FAM151B: variants seen among roughly 807,000 people sequenced by gnomAD.
The protein encoded by FAM151B is family with sequence similarity 151 member B.
FAM151B carries 24 observed loss-of-function variants against 31.2 expected under a neutral mutation model. The ratio of observed to expected loss-of-function variants is 0.77; its 90% CI spans 0.56 to 1.08. FAM151B has a LOEUF of 1.08. FAM151B is among the 50% of genes least tolerant of loss of function. The pLI is 0.00. For synonymous variants in FAM151B, 105 were observed against 111.4 expected (o/e 0.94, Z 0.36); for missense variants, 293 against 328.6 (o/e 0.89, Z 0.84).
intron 5 of FAM151B, 122 bp from the exon 6 acceptor site, chr5:80,541,551 A>T (rs1195664230): frequency 2.3e-5 from 20 of 860,634 alleles, no homozygotes; most frequent in African/African-American, 5.1e-5. Flanking sequence ...ACCATTGCTG[A>T]TTAATTTTTT....
chr5:80,491,824 G>T (rs1743344472), intron 1 of FAM151B, among the ~76,000 whole-genome samples: 1 of 152,126 alleles, frequency 6.6e-6, no homozygotes, highest in Non-Finnish European at 1.5e-5. Context: ...AGGCTGAATA[G>T]TACCCCATTG....
Position 80,541,871 on chromosome 5 carries a change from T to C in FAM151B, c.*39T>C. On this transcript the variant is annotated 3_prime_UTR_variant, in exon 6 of 6. Transcript: ENST00000282226. The stretch of plus-strand genomic sequence containing the variant: ...AATTATTTCCTGTGTTTTGGTTTCA[T>C]AATCCTTCTCTCCATTGGTCTGAAT... 1.9e-6 allele frequency: 3 copies of C among 1,581,654 alleles called. No homozygotes were observed. Among genetic ancestry groups the C allele is most frequent in the Non-Finnish European group, 2.6e-6 (3 of 1,161,326 alleles).
At chr5:80,500,324 G>C (rs2112604433) in intron 1 of FAM151B, 2 of 836,122 alleles carry the variant, frequency 2.4e-6, no homozygotes, top group Non-Finnish European at 4.1e-6. Context: ...TCTTTTTCCG[G>C]CTGGAACCAT....
chr5:80,504,350 C>T (rs142928235), intron 2 of FAM151B, among the ~76,000 whole-genome samples: 1 of 152,026 alleles, frequency 6.6e-6, no homozygotes, highest in African/African-American at 2.4e-5. Flanking sequence ...TCCTAGAAGC[C>T]ACCAGGATTT....
At chr5:80,530,719 G>A (rs941069289) in intron 5 of FAM151B, among the ~76,000 whole-genome samples, 1 of 152,112 alleles carries the variant, frequency 6.6e-6, no homozygotes, top group African/African-American at 2.4e-5. Flanking sequence ...ACAAACCACT[G>A]CTCAACGAAA....
chr5:80,538,401 TTTCTTTCTTTCTTTC>T (rs1745629549), intron 5 of FAM151B, among the ~76,000 whole-genome samples: 1 of 48,680 alleles, frequency 2.1e-5, no homozygotes, highest in Non-Finnish European at 3.7e-5. Context: ...TCTTTCTTTC[TTTCTTTCTTTCTTTC>T]TTTCTTTCTT....
rs1479408323 is a variant in FAM151B at position 80,495,977 on chromosome 5, A to G, written c.26-5815A>G. ...CTTCTTATGTATGAGCAAAGACAGTATTTTCTTGAGATGTAATCTACTTCT... is the reference window on the plus strand; with the variant it reads ...CTTCTTATGTATGAGCAAAGACAGTGTTTTCTTGAGATGTAATCTACTTCT... On this transcript the variant is annotated intron_variant, in intron 1 of 5. Coordinates refer to ENST00000282226, the MANE Select transcript of FAM151B (RefSeq NM_205548.3). Among the ~76,000 whole-genome samples, 4 of 152,212 alleles carry G rather than the reference A, an allele frequency of 2.6e-5. No homozygotes were observed. The East Asian group carries it at 7.7e-4, about 29-fold the overall frequency.
intron 2 of FAM151B, among the ~76,000 whole-genome samples, chr5:80,508,483 A>T (rs1234301495): frequency 6.6e-6 from 1 of 151,804 alleles, no homozygotes; most frequent in African/African-American, 2.4e-5. Context: ...GTGTATATGA[A>T]TTGGTATCTC....
At chr5:80,502,102 A>C (rs536219059) in intron 2 of FAM151B, among the ~76,000 whole-genome samples, 185 bp downstream of exon 2, 2 of 151,908 alleles carry the variant, frequency 1.3e-5, no homozygotes, top group African/African-American at 4.8e-5. Context: ...TTAGAGACAT[A>C]GTCTCTCTCT....
intron 5 of FAM151B, among the ~76,000 whole-genome samples, chr5:80,524,491 C>T (rs1234923919): frequency 6.6e-6 from 1 of 152,078 alleles, no homozygotes; most frequent in African/African-American, 2.4e-5. Context: ...CCTACTTACT[C>T]TCATTTTACT....
chr5:80,511,178 AAG>A (rs1483585858), intron 2 of FAM151B: 2 of 152,146 alleles, frequency 1.3e-5, no homozygotes, highest in African/African-American at 4.8e-5. Flanking sequence ...CATGCCCTAA[AAG>A]AAAAAATGTG....
chr5:80,491,087 G>A (rs1743315710), intron 1 of FAM151B, among the ~76,000 whole-genome samples: 1 of 152,046 alleles, frequency 6.6e-6, no homozygotes, highest in Non-Finnish European at 1.5e-5. Context: ...TGTATACATG[G>A]TAGAATGATT....
intron 5 of FAM151B, among the ~76,000 whole-genome samples, chr5:80,533,831 CT>C (rs1453948994): frequency 6.6e-6 from 1 of 150,834 alleles, no homozygotes; most frequent in East Asian, 1.9e-4. Context: ...AAAAAGTTGG[CT>C]TTTTGAAAAG....
At chr5:80,528,195 C>T (rs999604368) in intron 5 of FAM151B, among the ~76,000 whole-genome samples, 6 of 151,662 alleles carry the variant, frequency 4.0e-5, no homozygotes, top group African/African-American at 1.2e-4. Flanking sequence ...TAGCCTCAAA[C>T]CAAAAACCAT....
intron 5 of FAM151B, among the ~76,000 whole-genome samples, chr5:80,536,171 G>A (rs1745505254): frequency 6.6e-6 from 1 of 151,930 alleles, no homozygotes; most frequent in African/African-American, 2.4e-5. Context: ...GTTTTGTTTT[G>A]TTTTGTTTTG....
rs1247187145 is a variant in FAM151B, at chr5:80,500,293, A to G, written c.26-1499A>G. On this transcript the variant is annotated intron_variant, in intron 1 of 5. Transcript: ENST00000282226. ...GTAGGTTAGAGCATACAGAACAGATATATAAGATGAGCAAGTTGCCTCTTT... is the reference window on the plus strand; with the variant it reads ...GTAGGTTAGAGCATACAGAACAGATGTATAAGATGAGCAAGTTGCCTCTTT... 5.5e-6 allele frequency: 4 copies of G among 725,722 alleles called. No individual in the cohort carries two copies. In the African/African-American group the frequency reaches 6.9e-5, roughly 13 times the overall value. 45.0% of individuals were successfully genotyped at this position (725,722 alleles called of 1,614,324 possible). A position where few individuals can be genotyped will look rare whatever the true frequency, so the allele number is the denominator to read the frequency against.
chr5:80,490,856 A>G (rs1306475394), intron 1 of FAM151B, among the ~76,000 whole-genome samples: 24 of 152,226 alleles, frequency 1.6e-4, no homozygotes, highest in Admixed American at 1.6e-3. Context: ...TATAGTGAAT[A>G]ATGCTACTGT....
Position 80,533,702 on chromosome 5 carries a change from A to T in FAM151B, c.672-7971A>T, listed in dbSNP as rs6894955. 3.6e-3 allele frequency among the ~76,000 whole-genome samples: 514 copies of T among 144,232 alleles called. 3 individuals carry two copies. Among genetic ancestry groups the T allele is most frequent in the African/African-American group, 0.013 (499 of 39,148 alleles). The allele number at this position is 144,232 out of a possible 152,430, so 94.6% of individuals were successfully genotyped here. ...GCAGCAGAGATTGCAGTGAGCCGAG[A>T]TCACACCACTGCACTCCAGTCTGGG... On this transcript the variant is annotated intron_variant, in intron 5 of 5. Transcript: ENST00000282226.
intron 5 of FAM151B, among the ~76,000 whole-genome samples, chr5:80,530,323 C>G (rs1745175226): frequency 6.6e-6 from 1 of 152,010 alleles, no homozygotes; most frequent in African/African-American, 2.4e-5. Flanking sequence ...TGAAAACTGG[C>G]ACAAGACAGG....
Sources: gnomAD v4.1 joint callset for allele counts (sites outside exome capture counted in the v4.1 genomes callset) on GRCh38, gnomAD v4.1.1 for gene constraint, MANE v1.5 for transcripts, NCBI Gene and HGNC (gene_info 2026-07-23, HGNC 2026-07-21) for gene names.